The following GRIK4 variants were observed in gnomAD, a reference collection of about 807,000 sequenced individuals.
GRIK4 encodes glutamate receptor ionotropic, kainate 4.
A neutral mutation model predicts 104.9 loss-of-function variants in GRIK4; 40 were observed. The ratio of observed to expected loss-of-function variants is 0.38; its 90% CI spans 0.30 to 0.50. GRIK4 has a LOEUF of 0.50. Among genes scored for constraint, GRIK4 ranks in the 20% least tolerant of loss-of-function variants. GRIK4 has a pLI of 0.93. For synonymous variants in GRIK4, 485 were observed against 524.9 expected (o/e 0.92, Z 1.04); for missense variants, 1,047 against 1,308.1 (o/e 0.80, Z 3.08).
intron 3 of GRIK4, among the ~76,000 whole-genome samples, chr11:120,779,802 T>G (rs1952115734): frequency 6.6e-6 from 1 of 152,246 alleles, no homozygotes; most frequent in African/African-American, 2.4e-5. Flanking sequence ...GCAGGTAGTA[T>G]TTCTACATCA....
intron 7 of GRIK4, among the ~76,000 whole-genome samples, chr11:120,835,976 C>G (rs1170688437): frequency 6.6e-6 from 1 of 152,190 alleles, no homozygotes; most frequent in Non-Finnish European, 1.5e-5. Flanking sequence ...TTCCTTACGA[C>G]AAATAAAGGA....
intron 12 of GRIK4, among the ~76,000 whole-genome samples, chr11:120,899,366 A>T (rs11218049): frequency 6.8e-6 from 1 of 147,286 alleles, no homozygotes; most frequent in African/African-American, 2.5e-5. Context: ...GGTTGCAGTG[A>T]GCCGAGATCG....
chr11:120,684,067 G>T (rs1950238758), intron 3 of GRIK4, among the ~76,000 whole-genome samples: 1 of 152,196 alleles, frequency 6.6e-6, no homozygotes, highest in South Asian at 2.1e-4. Flanking sequence ...GCTCACACCT[G>T]TAATCCCAAC....
intron 14 of GRIK4, among the ~76,000 whole-genome samples, chr11:120,941,616 T>C (rs1475196373): frequency 6.6e-6 from 1 of 152,192 alleles, no homozygotes; most frequent in Non-Finnish European, 1.5e-5. Flanking sequence ...TAGGCTGGAC[T>C]CTAATCCAAT....
chr11:120,538,073 T>C (rs763733245), intron 1 of GRIK4, among the ~76,000 whole-genome samples: 2 of 152,268 alleles, frequency 1.3e-5, no homozygotes, highest in African/African-American at 4.8e-5. Flanking sequence ...CTTTCTTATA[T>C]TGCACTTTCT....
chr11:120,837,980 A>T (rs562425432), intron 8 of GRIK4, among the ~76,000 whole-genome samples: 1 of 152,312 alleles, frequency 6.6e-6, no homozygotes, highest in African/African-American at 2.4e-5. Context: ...GGAACTGGGC[A>T]ACGAGGTGTC....
In GRIK4 at chr11:120,512,902, C is replaced by T. The variant is rs921539137; in HGVS notation, c.-159+1015C>T. Among the ~76,000 whole-genome samples, 4 of 152,266 alleles carry T rather than the reference C, an allele frequency of 2.6e-5. No homozygotes were observed. In the South Asian group the frequency reaches 6.2e-4, roughly 24 times the overall value. On this transcript the variant is annotated intron_variant, in intron 1 of 20. Coordinates refer to ENST00000527524, the MANE Select transcript of GRIK4 (RefSeq NM_014619.5). ...GCGGCCGAGGGGGCTGGGCCCCGGGCGCCTCTGGCCCGTCTGCCTGGCAGT... is the reference window on the plus strand; with the variant it reads ...GCGGCCGAGGGGGCTGGGCCCCGGGTGCCTCTGGCCCGTCTGCCTGGCAGT...
chr11:120,517,567 G>A (rs1354123442), intron 1 of GRIK4, among the ~76,000 whole-genome samples: 2 of 150,316 alleles, frequency 1.3e-5, no homozygotes, highest in African/African-American at 2.5e-5. Context: ...GCTGTGCTAC[G>A]CTGCGGGGTG....
chr11:120,772,387 T>G (rs1159345233), intron 3 of GRIK4, among the ~76,000 whole-genome samples: 1 of 152,196 alleles, frequency 6.6e-6, no homozygotes, highest in Non-Finnish European at 1.5e-5. Flanking sequence ...TCTCCTGGCA[T>G]CCTCAAATAA....
At chr11:120,557,711 GGTGATA>G (rs1482253205) in intron 1 of GRIK4, among the ~76,000 whole-genome samples, 2 of 152,094 alleles carry the variant, frequency 1.3e-5, no homozygotes, top group Non-Finnish European at 2.9e-5. Context: ...CTCTTTTGCT[GGTGATA>G]ACATCAAGAA....
chr11:120,532,332 C>T (rs576605908), intron 1 of GRIK4, among the ~76,000 whole-genome samples: 4 of 152,206 alleles, frequency 2.6e-5, no homozygotes, highest in African/African-American at 9.6e-5. Context: ...CCCTTGTGCC[C>T]GGGGGTCCGC....
rs1555055681 is a variant in GRIK4 at position 120,753,340 on chromosome 11, T to TGCGC, written c.83-49352_83-49351insCGCG. On this transcript the variant is annotated intron_variant, in intron 3 of 20. Transcript: ENST00000527524. ...GTGTGTGTGTGTGTGTGTGTGTGTG[T>TGCGC]GTGCAGGGTGGCTAGGGGAAGACAA... Among the ~76,000 whole-genome samples the TGCGC allele has an allele frequency of 2.0e-5, 3 of 147,724 alleles. No homozygotes were observed. In the East Asian group the frequency reaches 5.9e-4, roughly 29 times the overall value.
intron 1 of GRIK4, among the ~76,000 whole-genome samples, chr11:120,597,332 G>A: frequency 6.6e-6 from 1 of 152,232 alleles, no homozygotes; most frequent in East Asian, 1.9e-4. Flanking sequence ...GAGGGTTCTG[G>A]GGAGGATGCA....
intron 1 of GRIK4, among the ~76,000 whole-genome samples, chr11:120,557,601 A>C (rs1948199823): frequency 6.6e-6 from 1 of 152,190 alleles, no homozygotes; most frequent in Non-Finnish European, 1.5e-5. Context: ...AGCCCCTGAA[A>C]TACCAGCCAG....
intron 6 of GRIK4, among the ~76,000 whole-genome samples, chr11:120,825,655 G>A (rs980111409): frequency 3.3e-5 from 5 of 152,196 alleles, no homozygotes; most frequent in African/African-American, 9.7e-5. Context: ...CAAAGAGAAC[G>A]GCAGGATACC....
intron 1 of GRIK4, among the ~76,000 whole-genome samples, chr11:120,552,526 C>CT (rs1416567938): frequency 6.6e-6 from 1 of 152,102 alleles, no homozygotes; most frequent in Non-Finnish European, 1.5e-5. Flanking sequence ...TTTACTGCGT[C>CT]TGTAGGGAGG....
chr11:120,554,261 C>G (rs1169213827), intron 1 of GRIK4, among the ~76,000 whole-genome samples: 1 of 152,228 alleles, frequency 6.6e-6, no homozygotes, highest in African/African-American at 2.4e-5. Context: ...CATTGGCAGA[C>G]AAGGTTTATG....
intron 1 of GRIK4, among the ~76,000 whole-genome samples, chr11:120,576,835 G>A (rs146368436): frequency 1.5e-4 from 23 of 152,288 alleles, no homozygotes; most frequent in African/African-American, 5.1e-4. Context: ...TGCTGGGCCC[G>A]GGACATGGCC....
chr11:120,583,817 T>G (rs1189180457), intron 1 of GRIK4, among the ~76,000 whole-genome samples: 1 of 152,250 alleles, frequency 6.6e-6, no homozygotes, highest in East Asian at 1.9e-4. Context: ...ATGGCCATTT[T>G]AACAATATTG....
Sources: gnomAD v4.1 joint callset for allele counts (sites outside exome capture counted in the v4.1 genomes callset) on GRCh38, gnomAD v4.1.1 for gene constraint, MANE v1.5 for transcripts, NCBI Gene and HGNC (gene_info 2026-07-23, HGNC 2026-07-21) for gene names.